Variants in DOCK2 observed in about 807,000 individuals in gnomAD.
DOCK2 encodes dedicator of cytokinesis protein 2.
Under a neutral mutation model 248.9 loss-of-function variants are expected in DOCK2, and 87 were observed. That is an observed-to-expected ratio of 0.35 (90% CI 0.29 to 0.42). The LOEUF is 0.42. Among genes scored for constraint, DOCK2 ranks in the 10% least tolerant of loss-of-function variants. The pLI is 1.00. For synonymous variants in DOCK2, 805 were observed against 821.6 expected (o/e 0.98, Z 0.35); for missense variants, 1,747 against 2,300.2 (o/e 0.76, Z 4.92).
intron 22 of DOCK2, among the ~76,000 whole-genome samples, chr5:169,733,561 CTCTTA>C (rs1253263002): frequency 6.6e-6 from 1 of 151,996 alleles, no homozygotes; most frequent in African/African-American, 2.4e-5. Flanking sequence ...ATCACTCTTT[CTCTTA>C]TCTTAGACAT....
chr5:170,066,284 CTG>C (rs1757492453), intron 44 of DOCK2, among the ~76,000 whole-genome samples: 1 of 151,120 alleles, frequency 6.6e-6, no homozygotes, highest in Non-Finnish European at 1.5e-5. Context: ...AAATGAAAAA[CTG>C]TAAAAAAAAA....
At chr5:169,989,203 TG>T (rs1778147943) in intron 29 of DOCK2, among the ~76,000 whole-genome samples, 1 of 152,212 alleles carries the variant, frequency 6.6e-6, no homozygotes, top group South Asian at 2.1e-4. Context: ...GCAGACATAG[TG>T]ACACATCTCC....
intron 10 of DOCK2, among the ~76,000 whole-genome samples, chr5:169,698,026 T>C (rs1313149038): frequency 6.6e-6 from 1 of 152,236 alleles, no homozygotes; most frequent in Non-Finnish European, 1.5e-5. Context: ...TTTGTAGGCA[T>C]GGTAGACATT....
At chr5:169,992,751 C>T (rs1778241212) in intron 29 of DOCK2, among the ~76,000 whole-genome samples, 2 of 151,560 alleles carry the variant, frequency 1.3e-5, no homozygotes, top group Non-Finnish European at 2.9e-5. Context: ...GCGTGAGCCA[C>T]CGTGCCCAGC....
At chr5:169,892,177 T>C (rs1429410063) in intron 27 of DOCK2, among the ~76,000 whole-genome samples, 1 of 151,690 alleles carries the variant, frequency 6.6e-6, no homozygotes, top group Non-Finnish European at 1.5e-5. Context: ...TAAAGTGGAG[T>C]TGTTCTAGAA....
intron 1 of DOCK2, among the ~76,000 whole-genome samples, chr5:169,651,451 G>A (rs924641484): frequency 9.9e-5 from 15 of 152,202 alleles, no homozygotes; most frequent in African/African-American, 2.7e-4. Context: ...GAAGATTCCC[G>A]AGGAAAGCAG....
intron 26 of DOCK2, among the ~76,000 whole-genome samples, chr5:169,833,130 T>A (rs1001870123): frequency 5.9e-5 from 9 of 152,156 alleles, no homozygotes; most frequent in African/African-American, 2.2e-4. Context: ...AAAGCTGAAG[T>A]TTTTCTTTCT....
At chr5:169,682,335 T>G (rs981515268) in intron 7 of DOCK2, among the ~76,000 whole-genome samples, 1 of 152,236 alleles carries the variant, frequency 6.6e-6, no homozygotes, top group Non-Finnish European at 1.5e-5. Flanking sequence ...CCTGGGATGA[T>G]CTGGGACAGG....
chr5:169,710,280 C>G (rs1457818462), intron 15 of DOCK2, among the ~76,000 whole-genome samples: 1 of 152,118 alleles, frequency 6.6e-6, no homozygotes, highest in Non-Finnish European at 1.5e-5. Context: ...GGGTGAGCAC[C>G]CTGGTTCCCT....
chr5:169,709,041 T>G (rs911766144), intron 15 of DOCK2, among the ~76,000 whole-genome samples: 8 of 152,236 alleles, frequency 5.3e-5, no homozygotes, highest in Non-Finnish European at 7.3e-5. Flanking sequence ...ATAGGTTGAC[T>G]GTGGAAGTAA....
intron 27 of DOCK2, among the ~76,000 whole-genome samples, chr5:169,901,198 G>A (rs1773902968): frequency 1.3e-5 from 2 of 152,082 alleles, no homozygotes; most frequent in Admixed American, 1.3e-4. Flanking sequence ...ATGAAAAGAG[G>A]GTGTCCAGGC....
At chr5:169,784,925 A>G (rs1765904261) in intron 25 of DOCK2, among the ~76,000 whole-genome samples, 1 of 152,260 alleles carries the variant, frequency 6.6e-6, no homozygotes, top group African/African-American at 2.4e-5. Flanking sequence ...GAAAAACATA[A>G]TGATAAACTA....
intron 41 of DOCK2, among the ~76,000 whole-genome samples, chr5:170,051,182 T>C (rs1756901552): frequency 6.6e-6 from 1 of 152,132 alleles, no homozygotes; most frequent in African/African-American, 2.4e-5. Flanking sequence ...GCAGAGGCCT[T>C]TGGCAGGAAG....
chr5:169,662,769 CA>C (rs1289302589), intron 2 of DOCK2, among the ~76,000 whole-genome samples: 1 of 152,134 alleles, frequency 6.6e-6, no homozygotes, highest in Non-Finnish European at 1.5e-5. Flanking sequence ...AGTCACTTCC[CA>C]CCAGGTCCCT....
chr5:169,869,975 AG>A (rs1329710924), intron 27 of DOCK2, among the ~76,000 whole-genome samples: 1 of 152,164 alleles, frequency 6.6e-6, no homozygotes, highest in African/African-American at 2.4e-5. Context: ...CTTACAGTGG[AG>A]GGCAAATAGT....
In DOCK2 at chr5:170,047,761, A is replaced by G. The variant is rs1020084837; in HGVS notation, c.4071+147A>G. The G allele has an allele frequency of 1.1e-5, 7 of 630,238 alleles. No homozygotes were observed. In the East Asian group the frequency reaches 2.0e-4, roughly 18 times the overall value. 39.0% of individuals were successfully genotyped at this position (630,238 alleles called of 1,614,324 possible). A position where few individuals can be genotyped will look rare whatever the true frequency, so the allele number is the denominator to read the frequency against. On this transcript the variant is annotated intron_variant, in intron 40 of 51. Coordinates refer to ENST00000520908, the MANE Select transcript of DOCK2 (RefSeq NM_004946.3). ...TGCCCCCATCCCCAGGAGACTCCCC[A>G]GTCAATAGCCCTCATCATAATCACC...
chr5:169,730,453 C>T (rs1005792618), intron 22 of DOCK2, among the ~76,000 whole-genome samples: 1 of 152,146 alleles, frequency 6.6e-6, no homozygotes, highest in African/African-American at 2.4e-5. Context: ...GACAGCGAGT[C>T]AGAGGCTACC....
intron 25 of DOCK2, among the ~76,000 whole-genome samples, chr5:169,780,295 ATGTGTGTGTGTGTGTGTGTGTGTG>A (rs3138738): frequency 7.3e-6 from 1 of 137,692 alleles, no homozygotes; most frequent in African/African-American, 2.7e-5. Flanking sequence ...AACCCAATAA[ATGTGTGTGTGTGTGTGTGTGTGTG>A]TGTGTGTGTG....
intron 27 of DOCK2, among the ~76,000 whole-genome samples, chr5:169,892,486 G>A (rs971730511): frequency 9.9e-5 from 15 of 152,194 alleles, no homozygotes; most frequent in African/African-American, 3.6e-4. Context: ...AAAGGTTGAG[G>A]GCCATGGCCC....
Sources: allele counts gnomAD v4.1 joint callset (sites outside exome capture counted in the v4.1 genomes callset), GRCh38; gene constraint gnomAD v4.1.1; transcripts MANE v1.5; gene names NCBI Gene and HGNC (gene_info 2026-07-23, HGNC 2026-07-21).